Variants in ZNF510 observed in about 807,000 individuals in gnomAD.
ZNF510 encodes the protein zinc finger protein 510.
Under a neutral mutation model 18.1 loss-of-function variants are expected in ZNF510, and 15 were observed. That is an observed-to-expected ratio of 0.83 (90% confidence interval 0.55 to 1.28). ZNF510 has a LOEUF of 1.28. Ranked by LOEUF, ZNF510 falls within the 50% of genes most tolerant of loss-of-function variation. The pLI is 0.00. For missense variants in ZNF510, 724 were observed against 791.8 expected, an observed-to-expected ratio of 0.91 and a Z score of 1.03; for synonymous variants, 261 against 266.4, an observed-to-expected ratio of 0.98 and a Z score of 0.20.
At chr9:96,769,049 G>C (rs1849533728) in intron 3 of ZNF510, among the ~76,000 whole-genome samples, 1 of 152,046 alleles carries the variant, frequency 6.6e-6, no homozygotes, top group African/African-American at 2.4e-5. Context: ...CCATTTATTA[G>C]GAAAAAAATA....
At chr9:96,773,570 G>C (rs1186049699) in intron 3 of ZNF510, among the ~76,000 whole-genome samples, 1 of 150,796 alleles carries the variant, frequency 6.6e-6, no homozygotes, top group Non-Finnish European at 1.5e-5. Flanking sequence ...AACCAAACCT[G>C]TTGACATCTG....
Position 96,755,311 on chromosome 9 carries a change from A to AC in ZNF510, c.*3466_*3467insG, listed in dbSNP as rs1217980109. 6.6e-6 allele frequency among the ~76,000 whole-genome samples: 1 copy of AC among 152,256 alleles called. No individual in the cohort carries two copies. The highest frequency in any genetic ancestry group is 1.5e-5 in the Non-Finnish European group (1 of 68,046). On this transcript the variant is annotated 3_prime_UTR_variant, in exon 6 of 6. Transcript: ENST00000223428. ...TTCAGAAAGTGTCTTGAGTAAAAAA[A>AC]GTTTAAAGACAGACTTGCTTTATAT...
At chr9:96,764,896 C>G (rs544028483) in intron 3 of ZNF510, among the ~76,000 whole-genome samples, 1 of 151,960 alleles carries the variant, frequency 6.6e-6, no homozygotes, top group Non-Finnish European at 1.5e-5. Context: ...AGGCGGATCA[C>G]GAGGTCAGGA....
intron 2 of ZNF510, 108 bp from the exon 3 acceptor site, chr9:96,774,954 C>G: frequency 1.2e-6 from 1 of 835,750 alleles, no homozygotes. Flanking sequence ...AAAAATGTTC[C>G]TTTGACCTTT....
In ZNF510 at chr9:96,774,790, G is replaced by GAGAT. The variant is rs1468612598; in HGVS notation, c.123_126dup (p.Gln43IlefsTer82). ...AAAGGTATTAGTAATTAACTCACCT[G>GAGAT]AGATATGTTCATTTTCTGCTGCTCC... On this transcript the variant is annotated frameshift_variant, in exon 3 of 6. Transcript: ENST00000223428. LOFTEE classifies it high-confidence loss of function. 1 of 1,613,156 alleles carries GAGAT rather than the reference G, an allele frequency of 6.2e-7. No individual in the cohort carries two copies. Among genetic ancestry groups the GAGAT allele is most frequent in the Non-Finnish European group, 8.5e-7 (1 of 1,179,684 alleles).
intron 2 of ZNF510, 82 bp from the exon 3 acceptor site, chr9:96,774,928 A>G (rs1849658870): frequency 8.4e-7 from 1 of 1,194,860 alleles, no homozygotes; most frequent in African/African-American, 1.5e-5. Context: ...CAGCTGGGGA[A>G]AAAGGCCTCT....
intron 4 of ZNF510, 143 bp from the exon 5 acceptor site, chr9:96,763,356 T>C: frequency 7.9e-7 from 1 of 1,270,834 alleles, no homozygotes; most frequent in Admixed American, 2.2e-5. Flanking sequence ...ACATTCTTTC[T>C]AGTCCTCGAC....
At chr9:96,772,555 AAC>A (rs1262085575) in intron 3 of ZNF510, among the ~76,000 whole-genome samples, 2 of 152,210 alleles carry the variant, frequency 1.3e-5, no homozygotes, top group South Asian at 2.1e-4. Flanking sequence ...ACCCAATTAA[AAC>A]AGAGTTGAAT....
chr9:96,767,388 T>C (rs1409022046), intron 3 of ZNF510, among the ~76,000 whole-genome samples: 1 of 151,938 alleles, frequency 6.6e-6, no homozygotes, highest in East Asian at 1.9e-4. Flanking sequence ...AGAAAATACA[T>C]TGAGATTACT....
At chr9:96,773,646 G>C (rs1403198601) in intron 3 of ZNF510, among the ~76,000 whole-genome samples, 1 of 151,800 alleles carries the variant, frequency 6.6e-6, no homozygotes, top group African/African-American at 2.4e-5. Flanking sequence ...CACGATCTCA[G>C]CTCACTGCAG....
intron 1 of ZNF510, 95 bp downstream of exon 1, chr9:96,777,939 G>A (rs900819651): frequency 1.3e-5 from 2 of 152,212 alleles, no homozygotes; most frequent in African/African-American, 2.4e-5. Flanking sequence ...GGCCTGCTTT[G>A]GGGGAGTTCC....
At position 96,759,834 on chromosome 9, in the gene ZNF510, A is replaced by G. The variant is rs751567880; in HGVS notation, c.996T>C (p.Gly332=). ...TTGGATTTAATTCATAATGTTTTAT[A>G]CCCATATTAAGTTTATTATATTCCT... ...TVEEYNKLNM[G]IKHYELNPSG... is the part of the protein sequence containing the mutation. Residue 332 remains glycine (G), a synonymous_variant, in exon 6 of 6, where the codon GGT becomes GGC. Coordinates refer to ENST00000223428, the MANE Select transcript of ZNF510 (RefSeq NM_014930.3). 6.2e-7 allele frequency: 1 copy of G among 1,613,678 alleles called. No individual in the cohort carries two copies. The highest frequency in any genetic ancestry group is 8.5e-7 in the Non-Finnish European group (1 of 1,179,916).
chr9:96,777,598 G>C (rs1195995347), intron 1 of ZNF510: 1 of 152,176 alleles, frequency 6.6e-6, no homozygotes, highest in Admixed American at 6.5e-5. Context: ...ACGACACAAA[G>C]CAGTTTTTAC....
chr9:96,767,377 T>C (rs1482109692), intron 3 of ZNF510, among the ~76,000 whole-genome samples: 1 of 151,612 alleles, frequency 6.6e-6, no homozygotes, highest in Non-Finnish European at 1.5e-5. Flanking sequence ...ACCCAGAAAT[T>C]AGAAAATACA....
At position 96,756,357 on chromosome 9, in the gene ZNF510, T is replaced by C. The variant is rs970768833; in HGVS notation, c.*2421A>G. The C allele has an allele frequency of 3.3e-5, 5 of 152,134 alleles. No homozygotes were observed. Among genetic ancestry groups the C allele is most frequent in the South Asian group, 2.1e-4 (1 of 4,816 alleles). 9.4% of individuals were successfully genotyped at this position (152,134 alleles called of 1,614,324 possible). A position where few individuals can be genotyped will look rare whatever the true frequency, so the allele number is the denominator to read the frequency against. Reference sequence around the variant, plus strand: ...ACACACAGGATCCTAGTAGTTTCAGTTGGCGAAAGCATCAGTGAGCCAGGC... The same window carrying C: ...ACACACAGGATCCTAGTAGTTTCAGCTGGCGAAAGCATCAGTGAGCCAGGC... On this transcript the variant is annotated 3_prime_UTR_variant, in exon 6 of 6. Coordinates refer to ENST00000223428, the MANE Select transcript of ZNF510 (RefSeq NM_014930.3).
chr9:96,757,605 T>C lies in ZNF510; in HGVS notation c.*1173A>G, dbSNP rs760730183. ...CATGTGAAAGCTCAACAGAATACAGTAGTCCCTGCTTAACTACAAGGAATG... is the reference window on the plus strand; with the variant it reads ...CATGTGAAAGCTCAACAGAATACAGCAGTCCCTGCTTAACTACAAGGAATG... On this transcript the variant is annotated 3_prime_UTR_variant, in exon 6 of 6. Coordinates refer to ENST00000223428, the MANE Select transcript of ZNF510 (RefSeq NM_014930.3). The C allele has an allele frequency of 3.9e-5, 6 of 152,198 alleles. No individual in the cohort carries two copies. The highest frequency in any genetic ancestry group is 9.6e-5 in the African/African-American group (4 of 41,460). The allele number at this position is 152,198 out of a possible 1,614,324, so 9.4% of individuals were successfully genotyped here. A position where few individuals can be genotyped will look rare whatever the true frequency, so the allele number is the denominator to read the frequency against.
intron 3 of ZNF510, among the ~76,000 whole-genome samples, chr9:96,770,005 T>G (rs1849553215): frequency 6.6e-6 from 1 of 152,208 alleles, no homozygotes; most frequent in Non-Finnish European, 1.5e-5. Flanking sequence ...GAAAACAGTT[T>G]GGCAGTTACC....
chr9:96,764,729 A>AAGAT (rs1482116948), intron 3 of ZNF510, among the ~76,000 whole-genome samples: 1 of 152,244 alleles, frequency 6.6e-6, no homozygotes, highest in Non-Finnish European at 1.5e-5. Context: ...AGGATGGAAA[A>AAGAT]AGATATACCA....
intron 3 of ZNF510, among the ~76,000 whole-genome samples, chr9:96,774,541 A>C (rs1849648343): frequency 6.6e-6 from 1 of 152,124 alleles, no homozygotes; most frequent in South Asian, 2.1e-4. Flanking sequence ...AATCTGTAAA[A>C]AAAATACTGT....
Sources: allele counts gnomAD v4.1 joint callset (sites outside exome capture counted in the v4.1 genomes callset), GRCh38; gene constraint gnomAD v4.1.1; transcripts MANE v1.5; gene names NCBI Gene and HGNC (gene_info 2026-07-23, HGNC 2026-07-21).